Variants in UBE2D2 observed in about 807,000 individuals in gnomAD.
UBE2D2 encodes the protein ubiquitin conjugating enzyme E2 D2.
In UBE2D2, 2 loss-of-function variants were observed where a neutral mutation model predicts 24.2. The ratio of observed to expected loss-of-function variants is 0.08; its 90% confidence interval spans 0.03 to 0.26. UBE2D2 has a LOEUF of 0.26. Among genes scored for constraint, UBE2D2 ranks in the 10% least tolerant of loss-of-function variants. The pLI is 1.00. For missense variants in UBE2D2, 44 were observed against 177.6 expected (o/e 0.25, Z 4.28); for synonymous variants, 58 against 56.5 (o/e 1.03, Z -0.12).
chr5:139,606,620 T>C (rs1754206497), intron 2 of UBE2D2, among the ~76,000 whole-genome samples: 1 of 152,222 alleles, frequency 6.6e-6, no homozygotes, highest in African/African-American at 2.4e-5. Flanking sequence ...GAACTTATTT[T>C]TGTTTTTTAC....
chr5:139,567,048 C>A (rs1034169197), intron 1 of UBE2D2, among the ~76,000 whole-genome samples: 14 of 152,046 alleles, frequency 9.2e-5, no homozygotes, highest in African/African-American at 2.9e-4. Flanking sequence ...TTAAACAATA[C>A]TTTCTGTATT....
At chr5:139,544,321 CTT>C (rs1311827879) in intron 1 of UBE2D2, among the ~76,000 whole-genome samples, 6 of 148,272 alleles carry the variant, frequency 4.0e-5, no homozygotes, top group African/African-American at 1.5e-4. Flanking sequence ...GAGTTTTGCT[CTT>C]GTCGCACAGG....
chr5:139,577,131 T>C (rs1681441930), intron 1 of UBE2D2, among the ~76,000 whole-genome samples: 1 of 152,092 alleles, frequency 6.6e-6, no homozygotes. Flanking sequence ...GTCAGACTCA[T>C]CATTTTGAAC....
At chr5:139,558,535 G>A (rs1003123457), upstream of UBE2D2, among the ~76,000 whole-genome samples, 4 of 152,242 alleles carry the variant, frequency 2.6e-5, no homozygotes, top group East Asian at 1.9e-4. Flanking sequence ...TGATCCGCCC[G>A]CCTCGGCCTC....
intron 6 of UBE2D2, among the ~76,000 whole-genome samples, chr5:139,626,545 A>G (rs1336254391): frequency 1.3e-5 from 2 of 152,382 alleles, no homozygotes; most frequent in African/African-American, 4.8e-5. Flanking sequence ...AGAACCCTCT[A>G]TAAGTAGCAA....
At chr5:139,559,420 C>T (rs1183450671), upstream of UBE2D2, among the ~76,000 whole-genome samples, 1 of 147,742 alleles carries the variant, frequency 6.8e-6, no homozygotes, top group South Asian at 2.2e-4. Flanking sequence ...AGTGAGACTC[C>T]GTCTCAAAAA....
At chr5:139,609,703 A>G (rs1754271408) in intron 2 of UBE2D2, among the ~76,000 whole-genome samples, 1 of 150,012 alleles carries the variant, frequency 6.7e-6, no homozygotes, top group African/African-American at 2.4e-5. Flanking sequence ...AAAAAAATTA[A>G]TATTTTATTA....
At chr5:139,569,283 G>T (rs576363806) in intron 1 of UBE2D2, among the ~76,000 whole-genome samples, 73 of 151,664 alleles carry the variant, frequency 4.8e-4, no homozygotes, top group Non-Finnish European at 7.1e-4. Flanking sequence ...ACTTTCTTTG[G>T]CTCTACTAGA....
intron 1 of UBE2D2, among the ~76,000 whole-genome samples, chr5:139,534,855 A>T (rs115440620): frequency 0.014 from 2,090 of 152,202 alleles, 50 homozygotes; most frequent in African/African-American, 0.047. Flanking sequence ...AAAATAATTC[A>T]AGGCTGGGTG....
At chr5:139,566,876 A>G (rs1168622530) in intron 1 of UBE2D2, among the ~76,000 whole-genome samples, 1 of 152,042 alleles carries the variant, frequency 6.6e-6, no homozygotes, top group African/African-American at 2.4e-5. Flanking sequence ...TCAAAAAAAA[A>G]AGAGAAGCCA....
chr5:139,623,691 T>C (rs1239917645), intron 6 of UBE2D2: 1 of 375,282 alleles, frequency 2.7e-6, no homozygotes, highest in Admixed American at 4.3e-5. Flanking sequence ...AAAACTTTTT[T>C]TTTTGTTTGT....
At chr5:139,598,861 G>C (rs1754011455) in intron 1 of UBE2D2, among the ~76,000 whole-genome samples, 1 of 150,200 alleles carries the variant, frequency 6.7e-6, no homozygotes, top group Non-Finnish European at 1.5e-5. Context: ...TCGCTCCTGG[G>C]AACTACAAAG....
chr5:139,567,531 T>C (rs1180540691), intron 1 of UBE2D2, among the ~76,000 whole-genome samples: 2 of 139,480 alleles, frequency 1.4e-5, no homozygotes, highest in African/African-American at 2.8e-5. Flanking sequence ...TTTGCTAAGT[T>C]TTTTTTTTTT....
At chr5:139,535,917 G>A (rs906988560) in intron 1 of UBE2D2, among the ~76,000 whole-genome samples, 9 of 151,090 alleles carry the variant, frequency 6.0e-5, no homozygotes, top group Non-Finnish European at 8.8e-5. Context: ...TTTTGAGATG[G>A]AGTCTCGCTC....
chr5:139,576,194 C>T (rs1020522096), intron 1 of UBE2D2, among the ~76,000 whole-genome samples: 15 of 151,994 alleles, frequency 9.9e-5, no homozygotes, highest in Non-Finnish European at 2.1e-4. Context: ...AATAAATTAC[C>T]ACAAACCGGG....
intron 1 of UBE2D2, among the ~76,000 whole-genome samples, chr5:139,565,006 C>T (rs1204388161): frequency 6.6e-6 from 1 of 152,074 alleles, no homozygotes; most frequent in African/African-American, 2.4e-5. Context: ...ATCTTATCTT[C>T]TGTCCTAGTA....
At chr5:139,621,688 A>G (rs1754516697) in intron 5 of UBE2D2, among the ~76,000 whole-genome samples, 1 of 152,032 alleles carries the variant, frequency 6.6e-6, no homozygotes, top group Non-Finnish European at 1.5e-5. Flanking sequence ...AGTGGTGTGA[A>G]CACAGCTCAA....
rs1449288773 is a variant in UBE2D2, at chr5:139,627,723, G to A, written c.*922G>A. The A allele has an allele frequency of 6.6e-6, 1 of 152,614 alleles. No individual in the cohort carries two copies. The highest frequency in any genetic ancestry group is 1.5e-5 in the Non-Finnish European group (1 of 68,032). 9.5% of individuals were successfully genotyped at this position (152,614 alleles called of 1,614,324 possible). A position where few individuals can be genotyped will look rare whatever the true frequency, so the allele number is the denominator to read the frequency against. ...TGTGAATAGGCTTTTTCATTTTTAAGAAGTTTGTCTAGCTGAGATTAGTGG... is the reference window on the plus strand; with the variant it reads ...TGTGAATAGGCTTTTTCATTTTTAAAAAGTTTGTCTAGCTGAGATTAGTGG... On this transcript the variant is annotated 3_prime_UTR_variant, in exon 7 of 7. Transcript: ENST00000398733.
intron 5 of UBE2D2, among the ~76,000 whole-genome samples, chr5:139,622,417 G>A (rs1280989466): frequency 1.3e-5 from 2 of 150,462 alleles, no homozygotes; most frequent in East Asian, 4.0e-4. Flanking sequence ...GCTAATTTTT[G>A]TATTTTTAGT....
Sources: allele counts gnomAD v4.1 joint callset (sites outside exome capture counted in the v4.1 genomes callset), GRCh38; gene constraint gnomAD v4.1.1; transcripts MANE v1.5; gene names NCBI Gene and HGNC (gene_info 2026-07-23, HGNC 2026-07-21).